The following CWF19L2 variants were observed in gnomAD, a reference collection of about 807,000 sequenced individuals.
CWF19L2 encodes the protein CWF19-like protein 2.
In CWF19L2, 98 loss-of-function variants were observed where a neutral mutation model predicts 111.7. The ratio of observed to expected loss-of-function variants is 0.88; its 90% confidence interval spans 0.75 to 1.04. The LOEUF is 1.04. CWF19L2 is among the 50% of genes least tolerant of loss of function. The pLI is 0.00. For synonymous variants in CWF19L2, 351 were observed against 342.9 expected, an observed-to-expected ratio of 1.02 and a Z score of -0.26; for missense variants, 1,101 against 1,051.4, an observed-to-expected ratio of 1.05 and a Z score of -0.65.
chr11:107,330,478 AC>A (rs1859829519), intron 16 of CWF19L2, among the ~76,000 whole-genome samples: 1 of 152,104 alleles, frequency 6.6e-6, no homozygotes, highest in Non-Finnish European at 1.5e-5. Flanking sequence ...TTATACAAAA[AC>A]AATCATAATT....
intron 12 of CWF19L2, among the ~76,000 whole-genome samples, chr11:107,360,169 T>A (rs11212181): frequency 0.26 from 39,101 of 152,178 alleles, 5,425 homozygotes; most frequent in Non-Finnish European, 0.32. Flanking sequence ...CATCCATGTG[T>A]ATACATTATT....
At chr11:107,416,325 T>C (rs1303780077) in intron 9 of CWF19L2, 27 bp from the exon 10 acceptor site, 2 of 1,005,108 alleles carry the variant, frequency 2.0e-6, no homozygotes, top group Non-Finnish European at 1.4e-6. Flanking sequence ...AAGTAAAATA[T>C]GTGCGATATG....
At chr11:107,413,461 T>C (rs909168373) in intron 10 of CWF19L2, among the ~76,000 whole-genome samples, 6 of 152,144 alleles carry the variant, frequency 3.9e-5, no homozygotes, top group African/African-American at 1.2e-4. Flanking sequence ...GTCTTGGAGG[T>C]AGGACTGGAA....
chr11:107,413,229 A>C (rs907315182), intron 10 of CWF19L2, among the ~76,000 whole-genome samples: 14 of 152,156 alleles, frequency 9.2e-5, no homozygotes. Flanking sequence ...GAGGGGCAGG[A>C]AGTGTATGGG....
At chr11:107,408,399 T>C (rs1861111075) in intron 10 of CWF19L2, among the ~76,000 whole-genome samples, 1 of 151,888 alleles carries the variant, frequency 6.6e-6, no homozygotes, top group South Asian at 2.1e-4. Context: ...CATCTTAGTG[T>C]GGTAGATATA....
At chr11:107,425,211 C>T (rs1453137850) in intron 8 of CWF19L2, among the ~76,000 whole-genome samples, 1 of 150,326 alleles carries the variant, frequency 6.7e-6, no homozygotes, top group Non-Finnish European at 1.5e-5. Flanking sequence ...CACACACACA[C>T]ACACAAAGAG....
At chr11:107,348,752 T>C in intron 14 of CWF19L2, 185 bp downstream of exon 14, 1 of 350,236 alleles carries the variant, frequency 2.9e-6, no homozygotes. Flanking sequence ...AAATCTGGAG[T>C]ACACAAGGGA....
intron 13 of CWF19L2, among the ~76,000 whole-genome samples, chr11:107,350,630 C>T (rs532923930): frequency 1.4e-4 from 22 of 151,996 alleles, no homozygotes; most frequent in East Asian, 3.9e-4. Context: ...ATCCAGTCTA[C>T]GGTATTTTTT....
intron 11 of CWF19L2, 49 bp downstream of exon 11, chr11:107,392,730 G>A (rs750376838): frequency 1.4e-5 from 16 of 1,134,516 alleles, no homozygotes; most frequent in African/African-American, 3.2e-5. Flanking sequence ...AAGCCCCAAG[G>A]GGAAGAAGGA....
intron 11 of CWF19L2, among the ~76,000 whole-genome samples, chr11:107,390,841 G>A (rs1860836666): frequency 6.6e-6 from 1 of 152,140 alleles, no homozygotes; most frequent in South Asian, 2.1e-4. Flanking sequence ...TGCTAAAGGA[G>A]ATTAACATTT....
chr11:107,353,820 G>C, intron 12 of CWF19L2, 84 bp from the exon 13 acceptor site: 4 of 975,584 alleles, frequency 4.1e-6, no homozygotes, highest in Non-Finnish European at 6.3e-6. Flanking sequence ...ATCTGTATCT[G>C]TAAGTTCTAT....
intron 1 of CWF19L2, 32 bp from the exon 2 acceptor site, chr11:107,455,808 G>A: frequency 7.4e-7 from 1 of 1,345,654 alleles, no homozygotes; most frequent in Non-Finnish European, 1.0e-6. Context: ...AGACAAACTG[G>A]CAATTGACCC....
chr11:107,394,485 TG>T (rs1298854517), intron 10 of CWF19L2, among the ~76,000 whole-genome samples: 2 of 152,214 alleles, frequency 1.3e-5, no homozygotes, highest in African/African-American at 4.8e-5. Context: ...TGAAAGCATT[TG>T]GTTCTGTTTA....
chr11:107,414,979 G>A (rs796462579), intron 10 of CWF19L2, among the ~76,000 whole-genome samples: 10 of 152,066 alleles, frequency 6.6e-5, no homozygotes, highest in African/African-American at 2.2e-4. Flanking sequence ...ATCCAGAATG[G>A]TCCTGTCAAA....
intron 12 of CWF19L2, among the ~76,000 whole-genome samples, chr11:107,369,857 A>G (rs571613194): frequency 7.2e-6 from 1 of 138,714 alleles, no homozygotes; most frequent in Non-Finnish European, 1.6e-5. Flanking sequence ...TTTACACTAC[A>G]TGAAATATAA....
chr11:107,424,624 C>T (rs542577499), intron 8 of CWF19L2, among the ~76,000 whole-genome samples: 37 of 151,898 alleles, frequency 2.4e-4, no homozygotes, highest in African/African-American at 7.2e-4. Flanking sequence ...CTAAAGCCCA[C>T]GAGTTCCAGA....
At chr11:107,439,515 C>T (rs943378057) in intron 5 of CWF19L2, among the ~76,000 whole-genome samples, 1 of 152,102 alleles carries the variant, frequency 6.6e-6, no homozygotes, top group African/African-American at 2.4e-5. Flanking sequence ...GTATACAGTA[C>T]TGAGGATGCA....
chr11:107,333,180 T>C (rs1314265011), intron 16 of CWF19L2, among the ~76,000 whole-genome samples: 1 of 152,110 alleles, frequency 6.6e-6, no homozygotes, highest in Non-Finnish European at 1.5e-5. Context: ...TACAATACTA[T>C]GTGATGCCTT....
chr11:107,415,712 T>C (rs1236367683), intron 10 of CWF19L2, among the ~76,000 whole-genome samples: 3 of 152,146 alleles, frequency 2.0e-5, no homozygotes, highest in Non-Finnish European at 4.4e-5. Flanking sequence ...TGATAGAATG[T>C]AAGAGAATAT....
Sources: allele counts gnomAD v4.1 joint callset (sites outside exome capture counted in the v4.1 genomes callset), GRCh38; gene constraint gnomAD v4.1.1; transcripts MANE v1.5; gene names NCBI Gene and HGNC (gene_info 2026-07-23, HGNC 2026-07-21).